GPHN: variants seen among roughly 807,000 people sequenced by gnomAD.
The protein encoded by GPHN is gephyrin.
In GPHN, 17 loss-of-function variants were observed where a neutral mutation model predicts 95.5. The observed-to-expected ratio is 0.18, with a 90% CI of 0.12 to 0.27. GPHN has a LOEUF of 0.27. Among genes scored for constraint, GPHN ranks in the 10% least tolerant of loss-of-function variants. The pLI, the probability that GPHN is intolerant of heterozygous loss-of-function variation, is 1.00. For synonymous variants in GPHN, 320 were observed against 322.5 expected, an observed-to-expected ratio of 0.99 and a Z score of 0.08; for missense variants, 660 against 978.1, an observed-to-expected ratio of 0.67 and a Z score of 4.34.
intron 1 of GPHN, among the ~76,000 whole-genome samples, chr14:66,570,997 A>G (rs528210026): frequency 1.3e-5 from 2 of 152,166 alleles, no homozygotes; most frequent in South Asian, 4.1e-4. Flanking sequence ...AGTTCCTTAT[A>G]TATTCTGGAT....
intron 1 of GPHN, among the ~76,000 whole-genome samples, chr14:66,521,029 G>A (rs2058464331): frequency 6.6e-6 from 1 of 152,028 alleles, no homozygotes. Context: ...CAAAAGACAT[G>A]ATCTCATTTT....
At chr14:67,112,157 T>G (rs1343222389) in intron 15 of GPHN, among the ~76,000 whole-genome samples, 1 of 152,200 alleles carries the variant, frequency 6.6e-6, no homozygotes, top group African/African-American at 2.4e-5. Flanking sequence ...GGTAAAGTCA[T>G]GAGCCTACAT....
chr14:67,541,060 A>T, the GPHN span, among the ~76,000 whole-genome samples: 23 of 152,300 alleles, frequency 1.5e-4, no homozygotes, highest in African/African-American at 5.5e-4. Flanking sequence ...TCTGGTTTGC[A>T]TCTTAGAACC....
intron 18 of GPHN, among the ~76,000 whole-genome samples, chr14:67,155,020 T>A (rs533270344): frequency 6.6e-6 from 1 of 151,814 alleles, no homozygotes; most frequent in South Asian, 2.1e-4. Flanking sequence ...TGAGGTGGGG[T>A]GAGAGCTATT....
intron 4 of GPHN, among the ~76,000 whole-genome samples, chr14:66,871,188 A>G (rs2063420316): frequency 6.6e-6 from 1 of 152,344 alleles, no homozygotes; most frequent in Admixed American, 6.5e-5. Flanking sequence ...ACTACCTAGT[A>G]CATAGTAGAT....
the GPHN span, chr14:67,350,465 T>G: frequency 1.9e-5 from 11 of 584,060 alleles, no homozygotes; most frequent in African/African-American, 2.1e-4. Flanking sequence ...GGAGTTAAGG[T>G]GATGGGGTTA....
At chr14:66,650,692 A>G (rs528518133) in intron 1 of GPHN, among the ~76,000 whole-genome samples, 76 of 152,334 alleles carry the variant, frequency 5.0e-4, no homozygotes, top group Admixed American at 1.4e-3. Flanking sequence ...GAGGATATAC[A>G]TGAGGAAATG....
chr14:67,155,760 AG>A (rs2081547204), intron 18 of GPHN, among the ~76,000 whole-genome samples: 1 of 152,180 alleles, frequency 6.6e-6, no homozygotes, highest in Non-Finnish European at 1.5e-5. Flanking sequence ...AAAGACATCA[AG>A]CCAGAAATTC....
chr14:67,598,402 G>T, the GPHN span, among the ~76,000 whole-genome samples: 2 of 152,174 alleles, frequency 1.3e-5, no homozygotes, highest in African/African-American at 4.8e-5. Flanking sequence ...TAAAGGAAAA[G>T]AAAGGGTCTC....
chr14:66,879,875 C>A, intron 4 of GPHN, 64 bp from the exon 5 acceptor site: 2 of 987,382 alleles, frequency 2.0e-6, no homozygotes, highest in Non-Finnish European at 3.3e-6. Context: ...GTGGGTTTTA[C>A]TAGTCTGACT....
chr14:67,578,275 G>A, the GPHN span: 4 of 1,335,968 alleles, frequency 3.0e-6, no homozygotes, highest in South Asian at 3.8e-5. The surrounding 1 kb of genome is among the most constrained non-coding windows in gnomAD (Gnocchi z 5.0). Context: ...GGGAGGAGGT[G>A]ACTGGGCAGG....
At chr14:67,038,805 A>G (rs773510228) in intron 10 of GPHN, among the ~76,000 whole-genome samples, 1 of 152,122 alleles carries the variant, frequency 6.6e-6, no homozygotes, top group East Asian at 1.9e-4. Flanking sequence ...CTTTTATACA[A>G]TTACACTCCC....
At chr14:67,388,972 C>T in the GPHN span, among the ~76,000 whole-genome samples, 18 of 152,044 alleles carry the variant, frequency 1.2e-4, no homozygotes, top group African/African-American at 4.1e-4. Flanking sequence ...AGCCACTGCA[C>T]CCAGCTATAG....
chr14:67,572,744 T>C, the GPHN span, among the ~76,000 whole-genome samples: 1 of 152,132 alleles, frequency 6.6e-6, no homozygotes, highest in African/African-American at 2.4e-5. Flanking sequence ...ATGCCAGGGC[T>C]AGCATCCACT....
the GPHN span, chr14:67,397,736 T>A: frequency 3.7e-6 from 6 of 1,612,880 alleles, no homozygotes; most frequent in Non-Finnish European, 5.1e-6. Context: ...TTGGGAGGGG[T>A]CACTCTCCGA....
At chr14:67,193,964 A>ACAAAAAAAAAAC in the GPHN span, among the ~76,000 whole-genome samples, 1 of 147,164 alleles carries the variant, frequency 6.8e-6, no homozygotes, top group Non-Finnish European at 1.5e-5. Flanking sequence ...CAAAAAAAAA[A>ACAAAAAAAAAAC]CGAAAAACAA....
chr14:66,756,558 A>T (rs1283258170), intron 2 of GPHN, among the ~76,000 whole-genome samples: 8 of 152,138 alleles, frequency 5.3e-5, no homozygotes, highest in Non-Finnish European at 1.2e-4. Context: ...TAGGCAAGCA[A>T]TATGGAGTTT....
the GPHN span, chr14:67,472,377 C>T: frequency 3.3e-5 from 5 of 152,334 alleles, no homozygotes; most frequent in African/African-American, 1.2e-4. Flanking sequence ...TGACCTAGAA[C>T]TCTGGCTTTT....
chr14:67,579,115 C>T, the GPHN span: 1 of 1,484,436 alleles, frequency 6.7e-7, no homozygotes, highest in Non-Finnish European at 9.0e-7. Context: ...CATAATACTC[C>T]CCTCTTCCGT....
Sources: allele counts gnomAD v4.1 joint callset (sites outside exome capture counted in the v4.1 genomes callset), GRCh38; gene constraint gnomAD v4.1.1; non-coding constraint Gnocchi (gnomAD v3.1); transcripts MANE v1.5; gene names NCBI Gene and HGNC (gene_info 2026-07-23, HGNC 2026-07-21).